The following RAP1GAP2 variants were observed in gnomAD, a reference collection of about 807,000 sequenced individuals.
RAP1GAP2 encodes the protein RAP1 GTPase activating protein 2, also known as rap1 GTPase-activating protein 2.
In RAP1GAP2, 27 loss-of-function variants were observed where a neutral mutation model predicts 95.0. That is an observed-to-expected ratio of 0.28 (90% CI 0.21 to 0.39). RAP1GAP2 has a LOEUF of 0.39. RAP1GAP2 is among the 10% of genes least tolerant of loss of function. RAP1GAP2 has a pLI of 1.00. For synonymous variants in RAP1GAP2, 373 were observed against 380.9 expected (o/e 0.98, Z 0.24); for missense variants, 771 against 970.0 (o/e 0.79, Z 2.72).
chr17:2,813,971 GAAAAAAGAAAAGA>G (rs1464000141), intron 2 of RAP1GAP2, among the ~76,000 whole-genome samples: 8 of 149,856 alleles, frequency 5.3e-5, no homozygotes, highest in African/African-American at 1.7e-4. Context: ...TCAAAAAAAA[GAAAAAAGAAAAGA>G]AAAAAAGAAA....
intron 17 of RAP1GAP2, among the ~76,000 whole-genome samples, chr17:3,009,962 G>A (rs2046464457): frequency 6.9e-6 from 1 of 144,728 alleles, no homozygotes; most frequent in African/African-American, 2.4e-5. Context: ...ACAGGCTCTA[G>A]ACTTCCTTCC....
rs1188838180 is a variant in RAP1GAP2, at chr17:2,797,188, C to T, written c.44+617C>T. 6.6e-6 allele frequency among the ~76,000 whole-genome samples: 1 copy of T among 152,094 alleles called. No individual in the cohort carries two copies. The highest frequency in any genetic ancestry group is 1.5e-5 in the Non-Finnish European group (1 of 68,018). ...GGGGTGGGTTGTGAGAGAAGGTCTC[C>T]CACCTGCACCCCAGGCAGCCCACCC... On this transcript the variant is annotated intron_variant, in intron 1 of 24. Transcript: ENST00000254695. The surrounding 1 kb of genome is among the most constrained non-coding windows in gnomAD (Gnocchi z 5.6).
At position 3,004,729 on chromosome 17, in the gene RAP1GAP2, C is replaced by T. The variant is rs187722272; in HGVS notation, c.1201-640C>T. Among the ~76,000 whole-genome samples, 52 of 152,372 alleles carry T rather than the reference C, an allele frequency of 3.4e-4. No individual in the cohort carries two copies. The highest frequency in any genetic ancestry group is 3.4e-3 in the Middle Eastern group (1 of 292). On this transcript the variant is annotated intron_variant, in intron 14 of 24. Transcript: ENST00000254695. The surrounding 1 kb of genome is among the most constrained non-coding windows in gnomAD (Gnocchi z 4.1). Reference sequence around the variant, plus strand: ...TGTGTGGGGCCAGGGCTCCCGAACACGGGTCCACCGGCTGCACGAGAGTTT... The same window carrying T: ...TGTGTGGGGCCAGGGCTCCCGAACATGGGTCCACCGGCTGCACGAGAGTTT...
At chr17:2,897,893 G>A (rs1307923761) in intron 2 of RAP1GAP2, among the ~76,000 whole-genome samples, 2 of 151,538 alleles carry the variant, frequency 1.3e-5, no homozygotes, top group Non-Finnish European at 2.9e-5. Flanking sequence ...TAGGGGTGGG[G>A]ATTGCCATTT....
chr17:3,013,574 T>C (rs112206757), intron 17 of RAP1GAP2, among the ~76,000 whole-genome samples: 1 of 151,742 alleles, frequency 6.6e-6, no homozygotes. Flanking sequence ...CCAGGACTAA[T>C]TGAGGAGCCA....
chr17:2,939,427 T>A (rs2043408672), intron 3 of RAP1GAP2, among the ~76,000 whole-genome samples: 1 of 152,192 alleles, frequency 6.6e-6, no homozygotes, highest in African/African-American at 2.4e-5. Context: ...ACCTCTTAGG[T>A]GGTGTGAGGT....
rs539545713 is a variant in RAP1GAP2, at chr17:2,797,657, G to C, written c.44+1086G>C. Reference sequence around the variant, plus strand: ...GCACTTTGCCATCCATCCTCTGGCAGGGGGGGACTGTGGGCACTCCATGTT... The same window carrying C: ...GCACTTTGCCATCCATCCTCTGGCACGGGGGGACTGTGGGCACTCCATGTT... On this transcript the variant is annotated intron_variant, in intron 1 of 24. Coordinates refer to ENST00000254695, the MANE Select transcript of RAP1GAP2 (RefSeq NM_015085.5). The surrounding 1 kb of genome is among the most constrained non-coding windows in gnomAD (Gnocchi z 5.6). 6.3e-4 allele frequency: 607 copies of C among 962,402 alleles called. 2 individuals carry two copies. The African/African-American group carries it at 9.9e-3, about 16-fold the overall frequency. 59.6% of individuals were successfully genotyped at this position (962,402 alleles called of 1,614,324 possible).
At chr17:2,873,861 C>A (rs912205282) in intron 2 of RAP1GAP2, among the ~76,000 whole-genome samples, 1 of 152,056 alleles carries the variant, frequency 6.6e-6, no homozygotes, top group Non-Finnish European at 1.5e-5. Flanking sequence ...CTCCTGGGTA[C>A]AAGTGATTCT....
At chr17:2,921,260 C>T (rs1007239155) in intron 3 of RAP1GAP2, among the ~76,000 whole-genome samples, 1 of 151,696 alleles carries the variant, frequency 6.6e-6, no homozygotes, top group African/African-American at 2.4e-5. Context: ...AGTGCAGTGG[C>T]GTGATCTTGG....
rs566735325 is a variant in RAP1GAP2, at chr17:2,826,125, C to T, written c.80+25575C>T. ...CTTCCCGAGTAGCTGGGATTACAGG[C>T]ACCCACCACCACGCCCAGCAAATTT... On this transcript the variant is annotated intron_variant, in intron 2 of 24. Transcript: ENST00000254695. Among the ~76,000 whole-genome samples, 541 of 149,722 alleles carry T rather than the reference C, an allele frequency of 3.6e-3. 2 individuals carry two copies. Among genetic ancestry groups the T allele is most frequent in the African/African-American group, 0.012 (501 of 40,726 alleles).
At position 2,963,832 on chromosome 17, in the gene RAP1GAP2, G is replaced by A. The variant is rs371972187; in HGVS notation, c.280-24G>A. 5.3e-5 allele frequency: 82 copies of A among 1,548,604 alleles called. No homozygotes were observed. The highest frequency in any genetic ancestry group is 9.6e-5 in the Admixed American group (5 of 52,164). On this transcript the variant is annotated intron_variant, in intron 6 of 24. Transcript: ENST00000254695. The surrounding 1 kb of genome is among the most constrained non-coding windows in gnomAD (Gnocchi z 4.8). ...CCCTCCCCTGCGGTCCCAGGGGAGC[G>A]CACGACCCTCCCTCTGCCTTCAGGT...
chr17:2,827,811 G>GAA lies in RAP1GAP2; in HGVS notation c.80+27272_80+27273dup, dbSNP rs11446282. Among the ~76,000 whole-genome samples, 27,694 of 146,238 alleles carry GAA rather than the reference G, an allele frequency of 0.19. 2,890 individuals carry two copies. The highest frequency in any genetic ancestry group is 0.35 in the South Asian group (1,620 of 4,648). The stretch of plus-strand genomic sequence containing the variant: ...GTTGCTTTTTATCAGCTTCCTATTA[G>GAA]AAAAAAAAAAAATCCCCTTGAAAAA... On this transcript the variant is annotated intron_variant, in intron 2 of 24. Transcript: ENST00000254695. This position sits in a 1 kb window ranked among gnomAD's most constrained non-coding sequence, Gnocchi z 4.1.
intron 14 of RAP1GAP2, among the ~76,000 whole-genome samples, chr17:3,001,562 A>ACT: frequency 7.4e-6 from 1 of 134,948 alleles, no homozygotes; most frequent in Non-Finnish European, 1.6e-5. Context: ...TCCAAGCACC[A>ACT]GGCTGAAGTG....
intron 8 of RAP1GAP2, among the ~76,000 whole-genome samples, chr17:2,976,998 G>A (rs1271690780): frequency 1.4e-4 from 22 of 151,740 alleles, no homozygotes; most frequent in Non-Finnish European, 8.8e-5. Context: ...TTAGTCAGGC[G>A]AGTTGGCGGG....
chr17:2,975,968 T>A (rs74887593), intron 8 of RAP1GAP2, among the ~76,000 whole-genome samples: 3,017 of 152,230 alleles, frequency 0.02, 95 homozygotes, highest in African/African-American at 0.067. Flanking sequence ...CCTGTGTGAT[T>A]ATAAAGAGGG....
chr17:2,901,331 T>C (rs1321284766), intron 2 of RAP1GAP2, among the ~76,000 whole-genome samples: 2 of 152,206 alleles, frequency 1.3e-5, no homozygotes, highest in Non-Finnish European at 2.9e-5. Context: ...GAACTGAGTA[T>C]GTAATCTTCC....
At chr17:2,767,857 C>G (rs4790362) in intron 1 of RAP1GAP2, among the ~76,000 whole-genome samples, 1 of 151,740 alleles carries the variant, frequency 6.6e-6, no homozygotes, top group Non-Finnish European at 1.5e-5. Context: ...CTCAGCCTCC[C>G]GAGTAGCTGG....
In RAP1GAP2 at chr17:3,005,048, C is replaced by T. The variant is rs753239009; in HGVS notation, c.1201-321C>T. Among the ~76,000 whole-genome samples, 5 of 152,032 alleles carry T rather than the reference C, an allele frequency of 3.3e-5. No homozygotes were observed. The highest frequency in any genetic ancestry group is 7.4e-5 in the Non-Finnish European group (5 of 68,018). On this transcript the variant is annotated intron_variant, in intron 14 of 24. Coordinates refer to ENST00000254695, the MANE Select transcript of RAP1GAP2 (RefSeq NM_015085.5). The surrounding 1 kb of genome is among the most constrained non-coding windows in gnomAD (Gnocchi z 5.2). Reference sequence around the variant, plus strand: ...TTCTCAGTAGGATTAGCGTCACGGTCGAATGAGGTCACGAGATGCCATCTC... The same window carrying T: ...TTCTCAGTAGGATTAGCGTCACGGTTGAATGAGGTCACGAGATGCCATCTC...
At chr17:2,770,377 C>T (rs570485947) in exon 2 of RAP1GAP2, 279 of 398,722 alleles carry the variant, frequency 7.0e-4, no homozygotes, top group African/African-American at 5.5e-3. Context: ...CGCTGACAGC[C>T]TTCCAGTGGC....
Sources: allele counts gnomAD v4.1 joint callset (sites outside exome capture counted in the v4.1 genomes callset), GRCh38; gene constraint gnomAD v4.1.1; non-coding constraint Gnocchi (gnomAD v3.1); transcripts MANE v1.5; gene names NCBI Gene and HGNC (gene_info 2026-07-23, HGNC 2026-07-21).